The following ABR variants were observed in gnomAD, a reference collection of about 807,000 sequenced individuals.
The protein encoded by ABR is active breakpoint cluster region-related protein.
Under a neutral mutation model 107.2 loss-of-function variants are expected in ABR, and 35 were observed. The observed-to-expected ratio is 0.33, with a 90% CI of 0.25 to 0.43. The LOEUF (loss-of-function observed/expected upper bound fraction) is 0.43, where lower values mean the gene tolerates loss of function less well. Ranked by LOEUF, ABR falls within the 20% of genes least tolerant of loss-of-function variation. The pLI, the probability that ABR is intolerant of heterozygous loss-of-function variation, is 1.00. For synonymous variants in ABR, 498 were observed against 462.0 expected (o/e 1.08, Z -1.00); for missense variants, 815 against 1,115.2 (o/e 0.73, Z 3.83).
intron 16 of ABR, among the ~76,000 whole-genome samples, chr17:1,042,554 G>A (rs61553245): frequency 5.3e-5 from 8 of 151,282 alleles, no homozygotes; most frequent in African/African-American, 1.7e-4. Context: ...ATCCATGGAC[G>A]GATGGATGGG....
At chr17:1,167,998 A>G (rs1484268293) in intron 1 of ABR, among the ~76,000 whole-genome samples, 1 of 151,592 alleles carries the variant, frequency 6.6e-6, no homozygotes, top group Non-Finnish European at 1.5e-5. Context: ...CTAAAAATAC[A>G]AAAATTAGCC....
intron 16 of ABR, among the ~76,000 whole-genome samples, chr17:1,045,270 C>G (rs936395590): frequency 6.6e-6 from 1 of 152,272 alleles, no homozygotes; most frequent in African/African-American, 2.4e-5. Context: ...TGAAGCCTCC[C>G]TAATTCCAGC....
At chr17:1,042,890 G>C (rs2030885681) in intron 16 of ABR, among the ~76,000 whole-genome samples, 2 of 152,200 alleles carry the variant, frequency 1.3e-5, no homozygotes, top group Admixed American at 1.3e-4. Context: ...GCCTCAGAAA[G>C]GGAGGAAATT....
At chr17:1,170,384 A>G (rs1339806115) in intron 1 of ABR, among the ~76,000 whole-genome samples, 1 of 152,222 alleles carries the variant, frequency 6.6e-6, no homozygotes. Context: ...CCGAGCGCAC[A>G]GTCCCTGGCT....
intron 1 of ABR, among the ~76,000 whole-genome samples, chr17:1,206,093 T>C (rs902352211): frequency 1.3e-5 from 2 of 151,786 alleles, no homozygotes; most frequent in Non-Finnish European, 2.9e-5. Flanking sequence ...TCCAGCCTGG[T>C]GACAGAAGGA....
intron 13 of ABR, among the ~76,000 whole-genome samples, chr17:1,056,516 C>G (rs1426414190): frequency 6.6e-6 from 1 of 152,108 alleles, no homozygotes; most frequent in Non-Finnish European, 1.5e-5. Flanking sequence ...TGGACCCTTT[C>G]CCAGCACACA....
In ABR at chr17:1,200,036, C is replaced by A. The variant is rs572708911; in HGVS notation, c.838+28757G>T. ...TGTGCTGCAACCATAGAGCTCTTTA[C>A]AAAGTTTTATAGTTGGCCTTCTCTA... is the stretch of plus-strand genomic sequence containing the variant. On this transcript the variant is annotated intron_variant, in intron 1 of 22. Coordinates refer to the ABR transcript ENST00000574139. The surrounding 1 kb of genome is among the most constrained non-coding windows in gnomAD (Gnocchi z 4.1). 6.6e-5 allele frequency among the ~76,000 whole-genome samples: 10 copies of A among 151,628 alleles called. No homozygotes were observed. The highest frequency in any genetic ancestry group is 2.4e-4 in the African/African-American group (10 of 41,372).
intron 11 of ABR, among the ~76,000 whole-genome samples, chr17:1,058,435 C>T (rs1378094957): frequency 1.3e-5 from 2 of 152,118 alleles, no homozygotes; most frequent in African/African-American, 2.4e-5. Context: ...CCACTGTGCC[C>T]GGCCCAAAGC....
intron 2 of ABR, among the ~76,000 whole-genome samples, chr17:1,108,408 G>C (rs962112577): frequency 1.3e-5 from 2 of 152,218 alleles, no homozygotes; most frequent in African/African-American, 4.8e-5. Flanking sequence ...TGCCTGTCCC[G>C]CCTCGGGAAG....
In ABR at chr17:1,013,131, G is replaced by C; in HGVS notation, c.1825C>G (p.His609Asp). The C allele has an allele frequency of 6.2e-7, 1 of 1,614,180 alleles. No individual in the cohort carries two copies. Among genetic ancestry groups the C allele is most frequent in the Non-Finnish European group, 8.5e-7 (1 of 1,180,018 alleles). Residue 609 changes from histidine to aspartate, a missense_variant, in exon 17 of 23, where the codon CAC (histidine) becomes GAC (aspartate). Coordinates refer to ENST00000302538, the MANE Select transcript of ABR (RefSeq NM_021962.5). Reference sequence around the variant, plus strand: ...CCGTTCATCTCAATCACGTCCGTGTGCCAGTTCTTGGTCTCCACGGTTTGT... The same window carrying C: ...CCGTTCATCTCAATCACGTCCGTGTCCCAGTTCTTGGTCTCCACGGTTTGT... ...DPQTVETKNWHTDVIEMNGIK... is the reference protein window; with the variant it reads ...DPQTVETKNWDTDVIEMNGIK...
chr17:1,035,939 A>G (rs975119538), intron 16 of ABR, among the ~76,000 whole-genome samples: 4 of 151,634 alleles, frequency 2.6e-5, no homozygotes, highest in Non-Finnish European at 5.9e-5. Context: ...TCAACGAGGA[A>G]AAAAGGTCAC....
intron 16 of ABR, among the ~76,000 whole-genome samples, chr17:1,016,729 G>A (rs1237884136): frequency 6.6e-6 from 1 of 152,088 alleles, no homozygotes; most frequent in Admixed American, 6.5e-5. Flanking sequence ...ACAGGATGGC[G>A]AGATGCTGGC....
At position 1,092,169 on chromosome 17, in the gene ABR, G is replaced by A. The variant is rs9904492; in HGVS notation, c.346-319C>T. Among the ~76,000 whole-genome samples the A allele has an allele frequency of 0.029, 4,411 of 152,270 alleles. 216 individuals are homozygous for A. Among genetic ancestry groups the A allele is most frequent in the African/African-American group, 0.1 (4,138 of 41,526 alleles). ...AACAGGATCCGCGTCTTTCTTCCAC[G>A]ATAGCCTGTGCCCCGAGTCATAAGC... On this transcript the variant is annotated intron_variant, in intron 3 of 22. Transcript: ENST00000302538. This position sits in a 1 kb window ranked among gnomAD's most constrained non-coding sequence, Gnocchi z 4.6.
At position 1,158,322 on chromosome 17, in the gene ABR, C is replaced by G. The variant is rs575107633; in HGVS notation, c.61+21345G>C. On this transcript the variant is annotated intron_variant, in intron 1 of 22. Transcript: ENST00000302538. ...TGTTGCCCAGGCTGGTCTCAAACTC[C>G]TGGACTCAGGCAATCCAGCCGCCTC... 1.1e-4 allele frequency among the ~76,000 whole-genome samples: 16 copies of G among 151,924 alleles called. No individual in the cohort carries two copies. The South Asian group carries it at 3.3e-3, about 32-fold the overall frequency.
intron 12 of ABR, among the ~76,000 whole-genome samples, chr17:1,057,480 G>A (rs1377125857): frequency 6.6e-6 from 1 of 151,712 alleles, no homozygotes; most frequent in Admixed American, 6.6e-5. Flanking sequence ...CAGGTTCAAG[G>A]GATTCTCCTG....
chr17:1,170,161 C>T (rs2041655897), intron 1 of ABR, among the ~76,000 whole-genome samples: 1 of 152,178 alleles, frequency 6.6e-6, no homozygotes. Context: ...GGTGGATGCT[C>T]CCAGTGCTTC....
chr17:1,149,560 G>A (rs2040711903), intron 1 of ABR, among the ~76,000 whole-genome samples: 1 of 151,922 alleles, frequency 6.6e-6, no homozygotes, highest in Admixed American at 6.6e-5. Context: ...TGGGATTACA[G>A]GCATGCACCA....
At chr17:1,144,034 C>T (rs534300138) in intron 1 of ABR, among the ~76,000 whole-genome samples, 2 of 152,212 alleles carry the variant, frequency 1.3e-5, no homozygotes, top group East Asian at 3.9e-4. Flanking sequence ...GCTTCTGAGT[C>T]TCATCCAAGG....
chr17:1,047,650 C>G (rs1349317095), intron 16 of ABR, among the ~76,000 whole-genome samples: 1 of 152,254 alleles, frequency 6.6e-6, no homozygotes, highest in African/African-American at 2.4e-5. Context: ...TTAATATCAA[C>G]TCCCAGGCAT....
Sources: gnomAD v4.1 joint callset for allele counts (sites outside exome capture counted in the v4.1 genomes callset) on GRCh38, gnomAD v4.1.1 for gene constraint, Gnocchi (gnomAD v3.1) non-coding constraint, MANE v1.5 for transcripts, NCBI Gene and HGNC (gene_info 2026-07-23, HGNC 2026-07-21) for gene names.